NEB: variants seen among roughly 807,000 people sequenced by gnomAD.
NEB encodes nebulin, also known as nemaline myopathy type 2.
Under a neutral mutation model 952.2 loss-of-function variants are expected in NEB, and 512 were observed. The observed-to-expected ratio is 0.54, with a 90% CI of 0.50 to 0.58. The LOEUF is 0.58. Ranked by LOEUF, NEB falls within the 20% of genes least tolerant of loss-of-function variation. The probability of loss-of-function intolerance (pLI) is 0.00; values close to 1 mark genes in which losing one functional copy is unlikely to be tolerated. For synonymous variants in NEB, 2,900 were observed against 3,149.8 expected (o/e 0.92, Z 2.66); for missense variants, 8,428 against 9,231.1 (o/e 0.91, Z 3.56).
At chr2:151,729,479 TG>T in intron 4 of NEB, 135 bp downstream of exon 4, 1 of 968,116 alleles carries the variant, frequency 1.0e-6, no homozygotes, top group Non-Finnish European at 1.6e-6. Context: ...CACCAGCTTC[TG>T]GGCACAGGTA....
intron 36 of NEB, 21 bp from the exon 37 acceptor site, chr2:151,672,701 T>C: frequency 6.3e-7 from 1 of 1,591,206 alleles, no homozygotes; most frequent in South Asian, 1.1e-5. Context: ...AGAATTGGGT[T>C]AGCAAAGTCC....
intron 88 of NEB, 95 bp from the exon 89 acceptor site, chr2:151,600,848 C>CT (rs1456515327): frequency 1.6e-4 from 2 of 12,758 alleles, no homozygotes; most frequent in Non-Finnish European, 3.0e-4. Context: ...CTTAGTTTAC[C>CT]TTTTTTGGGG....
At chr2:151,697,880 C>G (rs557317101) in intron 13 of NEB, among the ~76,000 whole-genome samples, 2 of 152,262 alleles carry the variant, frequency 1.3e-5, no homozygotes, top group South Asian at 4.1e-4. Context: ...GCCTAGCCAA[C>G]AAAGTGAAAC....
chr2:151,613,664 G>A (rs1489868957), intron 77 of NEB, among the ~76,000 whole-genome samples: 1 of 152,172 alleles, frequency 6.6e-6, no homozygotes, highest in Non-Finnish European at 1.5e-5. Flanking sequence ...TTGGAGGAGG[G>A]GCCTGGTGGG....
At chr2:151,609,662 A>T in intron 81 of NEB, 147 bp downstream of exon 81, 2 of 577,740 alleles carry the variant, frequency 3.5e-6, no homozygotes, top group Non-Finnish European at 5.7e-6. Context: ...GATGGATTTT[A>T]TATTAAACAA....
At chr2:151,709,006 A>T (rs2099735715) in intron 12 of NEB, among the ~76,000 whole-genome samples, 2 of 152,254 alleles carry the variant, frequency 1.3e-5, no homozygotes, top group Admixed American at 1.3e-4. Context: ...AGCATAGCCA[A>T]GGCCAGGGTT....
intron 62 of NEB, 110 bp from the exon 63 acceptor site, chr2:151,639,494 A>G (rs1188056694): frequency 3.8e-6 from 3 of 782,324 alleles, no homozygotes; most frequent in Non-Finnish European, 5.8e-6. Context: ...TATGTGTTTT[A>G]TACACATTAT....
rs1214753399 is a variant in NEB, at chr2:151,665,332, C to G, written c.5238+1G>C. 6.2e-7 allele frequency: 1 copy of G among 1,613,486 alleles called. No homozygotes were observed. Among genetic ancestry groups the G allele is most frequent in the South Asian group, 1.1e-5 (1 of 90,966 alleles). ...GGCGAGGCTGGCAGGTGAGTCCTTA[C>G]CTTGTCCATGTTCAGTTTGTTACTC... On this transcript the variant is annotated splice_donor_variant, in intron 42 of 181. Coordinates refer to ENST00000397345, the MANE Select transcript of NEB (RefSeq NM_001164508.2). LOFTEE classifies it high-confidence loss of function.
rs1388783262 is a variant in NEB, at chr2:151,498,094, A to C, written c.24207+166T>G. 2.0e-6 allele frequency: 3 copies of C among 1,472,520 alleles called. No individual in the cohort carries two copies. In the African/African-American group the frequency reaches 4.3e-5, roughly 21 times the overall value. 91.2% of individuals were successfully genotyped at this position (1,472,520 alleles called of 1,614,324 possible). ...TTTGTAAATATCAGATGAAGTAAAA[A>C]ATTGACATTAACTGTATTATAGAAA... On this transcript the variant is annotated intron_variant, in intron 170 of 181. Coordinates refer to ENST00000397345, the MANE Select transcript of NEB (RefSeq NM_001164508.2).
At chr2:151,725,786 C>T (rs941254295) in intron 5 of NEB, among the ~76,000 whole-genome samples, 1 of 152,128 alleles carries the variant, frequency 6.6e-6, no homozygotes, top group African/African-American at 2.4e-5. Flanking sequence ...TTATTATAGA[C>T]TATTGTCTTG....
chr2:151,650,407 A>G (rs1558820097), intron 53 of NEB, 28 bp from the exon 54 acceptor site: 1 of 1,602,536 alleles, frequency 6.2e-7, no homozygotes, highest in Admixed American at 1.7e-5. Flanking sequence ...AAGCCATCAA[A>G]ATCCCATTCT....
At chr2:151,646,302 C>A in intron 54 of NEB, 68 bp from the exon 55 acceptor site, 1 of 1,151,066 alleles carries the variant, frequency 8.7e-7, no homozygotes, top group Non-Finnish European at 1.3e-6. Flanking sequence ...TGGCTTCAAA[C>A]AGAATTGCTG....
In NEB at chr2:151,553,519, G is replaced by C. The variant is rs1436581410; in HGVS notation, c.19627-17C>G. Reference sequence around the variant, plus strand: ...GTATACAATCTAGAGGGTTTTGATAGAAAGGATCAGAAAAAAAAAATTGAC... The same window carrying C: ...GTATACAATCTAGAGGGTTTTGATACAAAGGATCAGAAAAAAAAAATTGAC... On this transcript the variant is annotated splice_polypyrimidine_tract_variant and intron_variant, in intron 126 of 181. Coordinates refer to ENST00000397345, the MANE Select transcript of NEB (RefSeq NM_001164508.2). The C allele has an allele frequency of 2.6e-6, 4 of 1,528,044 alleles. No individual in the cohort carries two copies. In the South Asian group the frequency reaches 4.7e-5, roughly 18 times the overall value. The allele number at this position is 1,528,044 out of a possible 1,614,324, so 94.7% of individuals were successfully genotyped here.
chr2:151,617,487 A>AAGAGAG lies in NEB; in HGVS notation c.11077-25_11077-20dup. 4 of 1,034,728 alleles carry AAGAGAG rather than the reference A, an allele frequency of 3.9e-6. No homozygotes were observed. The highest frequency in any genetic ancestry group is 4.1e-6 in the Non-Finnish European group (3 of 737,222). The allele number at this position is 1,034,728 out of a possible 1,614,324, so 64.1% of individuals were successfully genotyped here. ...ATAAGCGCTACAAAAAAAAAAAAAA[A>AAGAGAG]AGAGAGAGAGAGAGAGAAAAATTAT... On this transcript the variant is annotated intron_variant, in intron 74 of 181. Transcript: ENST00000397345.
chr2:151,492,569 A>T (rs527281505), intron 176 of NEB, 75 bp from the exon 177 acceptor site: 154 of 1,129,068 alleles, frequency 1.4e-4, no homozygotes, highest in Non-Finnish European at 1.8e-4. Context: ...GCAGATAGAG[A>T]TGGATAGGAG....
rs767823686 is a variant in NEB at position 151,553,884 on chromosome 2, G to A, written c.19570C>T (p.His6524Tyr). The A allele has an allele frequency of 1.9e-6, 3 of 1,613,712 alleles. No individual in the cohort carries two copies. The highest frequency in any genetic ancestry group is 2.5e-6 in the Non-Finnish European group (3 of 1,179,794). Residue 6524 changes from histidine (H) to tyrosine (Y), a missense_variant, in exon 126 of 182, where the codon CAC becomes TAC. His to Tyr is a moderately conservative substitution (Grantham distance 83, BLOSUM62 2). Transcript: ENST00000397345. ...TGATCATTGACTTGCAAGTCGGGGT[G>A]GCAAATCCATTCGTGGAGGCGCAGG... ...YRLRLHEWIC[H>Y]PDLQVNDHVR...
At position 151,498,037 on chromosome 2, in the gene NEB, T is replaced by C. The variant is rs569936628; in HGVS notation, c.24207+223A>G. On this transcript the variant is annotated intron_variant, in intron 170 of 181. Transcript: ENST00000397345. Reference sequence around the variant, plus strand: ...AACTCGGTGTTGTTATCCACACAAATGGAAACATTCATTATTTTTAAAACA... The same window carrying C: ...AACTCGGTGTTGTTATCCACACAAACGGAAACATTCATTATTTTTAAAACA... 3.5e-6 allele frequency: 5 copies of C among 1,445,338 alleles called. No homozygotes were observed. In the East Asian group the frequency reaches 1.2e-4, roughly 36 times the overall value. The allele number at this position is 1,445,338 out of a possible 1,614,324, so 89.5% of individuals were successfully genotyped here. A position where few individuals can be genotyped will look rare whatever the true frequency, so the allele number is the denominator to read the frequency against.
chr2:151,688,202 T>G, intron 25 of NEB, 90 bp downstream of exon 25: 1 of 1,090,120 alleles, frequency 9.2e-7, no homozygotes, highest in Non-Finnish European at 1.3e-6. Context: ...GTTGTTTATT[T>G]GCACAATTCC....
At chr2:151,632,446 G>A (rs113313596) in intron 65 of NEB, among the ~76,000 whole-genome samples, 2 of 151,998 alleles carry the variant, frequency 1.3e-5, no homozygotes, top group Middle Eastern at 3.4e-3. Flanking sequence ...GATGCTGAGG[G>A]GGGCAGATCA....
Sources: gnomAD v4.1 joint callset for allele counts (sites outside exome capture counted in the v4.1 genomes callset) on GRCh38, gnomAD v4.1.1 for gene constraint, MANE v1.5 for transcripts, NCBI Gene and HGNC (gene_info 2026-07-23, HGNC 2026-07-21) for gene names.